Variants in UGT1A7 observed in about 807,000 individuals in gnomAD.
UGT1A7 encodes UDP-glucuronosyltransferase 1A7.
A neutral mutation model predicts 45.6 loss-of-function variants in UGT1A7; 33 were observed. The ratio of observed to expected loss-of-function variants is 0.72; its 90% confidence interval spans 0.55 to 0.97. The LOEUF (loss-of-function observed/expected upper bound fraction) is 0.97, where lower values mean the gene tolerates loss of function less well. UGT1A7 is among the 50% of genes least tolerant of loss of function. The pLI is 0.00. For synonymous variants in UGT1A7, 274 were observed against 250.6 expected (o/e 1.09, Z -0.88); for missense variants, 684 against 666.2 (o/e 1.03, Z -0.29).
chr2:233,738,914 G>A (rs1053484676), intron 1 of UGT1A7: 2 of 152,216 alleles, frequency 1.3e-5, no homozygotes, highest in Non-Finnish European at 2.9e-5. Flanking sequence ...CCCATCACAG[G>A]CCTGGAGGCC....
intron 1 of UGT1A7, chr2:233,693,698 C>A (rs2075175410): frequency 6.2e-7 from 1 of 1,614,222 alleles, no homozygotes; most frequent in Non-Finnish European, 8.5e-7. Context: ...GTATGAAGAA[C>A]TCGCATCAGC....
At chr2:233,744,463 T>C (rs376604429) in intron 1 of UGT1A7, among the ~76,000 whole-genome samples, 1 of 151,892 alleles carries the variant, frequency 6.6e-6, no homozygotes, top group African/African-American at 2.4e-5. Flanking sequence ...TAAAACAGAA[T>C]TAAAAAGACA....
intron 1 of UGT1A7, among the ~76,000 whole-genome samples, chr2:233,731,455 G>A (rs1469328234): frequency 6.6e-6 from 1 of 152,026 alleles, no homozygotes; most frequent in Non-Finnish European, 1.5e-5. Context: ...CCCACAACAG[G>A]CCCTGGCGTG....
chr2:233,760,502 C>T (rs534361076), intron 1 of UGT1A7: 2 of 1,614,242 alleles, frequency 1.2e-6, no homozygotes, highest in Non-Finnish European at 1.7e-6. Flanking sequence ...AGAGACGGAG[C>T]ATTTTACACC....
At chr2:233,741,305 C>T (rs1177807292) in intron 1 of UGT1A7, among the ~76,000 whole-genome samples, 1 of 151,474 alleles carries the variant, frequency 6.6e-6, no homozygotes, top group Non-Finnish European at 1.5e-5. Context: ...TGTGTAGATA[C>T]ACACCAACTC....
chr2:233,758,617 T>TGC (rs1696928480), intron 1 of UGT1A7, among the ~76,000 whole-genome samples: 1 of 152,162 alleles, frequency 6.6e-6, no homozygotes, highest in Non-Finnish European at 1.5e-5. Flanking sequence ...TGCATGTGCA[T>TGC]GCAAAGTACC....
intron 1 of UGT1A7, among the ~76,000 whole-genome samples, chr2:233,751,881 A>G (rs553534557): frequency 1.3e-5 from 2 of 152,290 alleles, no homozygotes; most frequent in African/African-American, 4.8e-5. Context: ...CGTCTTGGGT[A>G]TGTCTTTATA....
At chr2:233,755,200 G>T in intron 1 of UGT1A7, 1 of 1,105,696 alleles carries the variant, frequency 9.0e-7, no homozygotes, top group Non-Finnish European at 1.3e-6. Context: ...GCCAGCTTGC[G>T]GTACGCCTTC....
intron 1 of UGT1A7, chr2:233,713,863 G>A: frequency 6.2e-7 from 1 of 1,613,884 alleles, no homozygotes; most frequent in Non-Finnish European, 8.5e-7. Context: ...TCTCAGGTCT[G>A]TATTGGTGCC....
chr2:233,721,816 C>T, intron 1 of UGT1A7: 1 of 516,128 alleles, frequency 1.9e-6, no homozygotes, highest in Non-Finnish European at 3.9e-6. Flanking sequence ...AAATCCAGCA[C>T]CCTATTTGGG....
At chr2:233,719,573 T>C (rs2076782711) in intron 1 of UGT1A7, 3 of 1,613,994 alleles carry the variant, frequency 1.9e-6, no homozygotes, top group Non-Finnish European at 2.5e-6. Context: ...TTGTCAGCTA[T>C]GCATCCGTGT....
At chr2:233,752,004 G>A (rs558992613) in intron 1 of UGT1A7, among the ~76,000 whole-genome samples, 1 of 152,302 alleles carries the variant, frequency 6.6e-6, no homozygotes, top group Admixed American at 6.5e-5. Context: ...GAAAGTTGAT[G>A]AGAAAGTGGA....
chr2:233,750,237 A>G (rs766063070), intron 1 of UGT1A7, among the ~76,000 whole-genome samples: 1 of 151,900 alleles, frequency 6.6e-6, no homozygotes, highest in Non-Finnish European at 1.5e-5. Flanking sequence ...ACTTATTGGG[A>G]ACTGGAACAA....
At position 233,740,170 on chromosome 2, in the gene UGT1A7, T is replaced by C. The variant is rs191572005; in HGVS notation, c.856-26864T>C. ...TGAGGCCTCCCCAGTCATGTGGAAC[T>C]GTGAGTCAATTAAACCTCTTTCTTT... On this transcript the variant is annotated intron_variant, in intron 1 of 4. Transcript: ENST00000373426. Among the ~76,000 whole-genome samples the C allele has an allele frequency of 5.3e-5, 8 of 151,994 alleles. No individual in the cohort carries two copies. The East Asian group carries it at 1.5e-3, about 29-fold the overall frequency.
chr2:233,695,207 C>A (rs1327154624), intron 1 of UGT1A7, among the ~76,000 whole-genome samples: 2 of 151,466 alleles, frequency 1.3e-5, no homozygotes, highest in East Asian at 1.9e-4. Flanking sequence ...CCCACTGCAA[C>A]CTCCACCTCC....
At chr2:233,691,954 T>G (rs1410011251) in intron 1 of UGT1A7, 1 of 152,322 alleles carries the variant, frequency 6.6e-6, no homozygotes, top group African/African-American at 2.4e-5. Flanking sequence ...CTTTTGTTAT[T>G]CAAAACAGAT....
chr2:233,718,006 C>A (rs2076621549), intron 1 of UGT1A7: 2 of 407,730 alleles, frequency 4.9e-6, no homozygotes. Flanking sequence ...AGATCTGAGG[C>A]CAGGCTCCAG....
intron 1 of UGT1A7, among the ~76,000 whole-genome samples, chr2:233,757,570 G>C (rs1278180964): frequency 1.3e-5 from 1 of 75,608 alleles, no homozygotes; most frequent in African/African-American, 6.1e-5. Context: ...ATGTATATAT[G>C]ATATAGCTAT....
intron 1 of UGT1A7, chr2:233,717,643 C>T (rs1326962765): frequency 7.7e-6 from 3 of 388,842 alleles, no homozygotes; most frequent in Non-Finnish European, 1.6e-5. Flanking sequence ...CCTGGGGCGA[C>T]CAGGACAAGG....
Sources: gnomAD v4.1 joint callset for allele counts (sites outside exome capture counted in the v4.1 genomes callset) on GRCh38, gnomAD v4.1.1 for gene constraint, MANE v1.5 for transcripts, NCBI Gene and HGNC (gene_info 2026-07-23, HGNC 2026-07-21) for gene names.